CFAP20DC: variants seen among roughly 807,000 people sequenced by gnomAD.
The protein encoded by CFAP20DC is protein CFAP20DC.
Under a neutral mutation model 101.7 loss-of-function variants are expected in CFAP20DC, and 84 were observed. The observed-to-expected ratio is 0.83, with a 90% confidence interval of 0.69 to 0.99. The LOEUF is 0.99. Ranked by LOEUF, CFAP20DC falls within the 50% of genes least tolerant of loss-of-function variation. The probability of loss-of-function intolerance (pLI) is 0.00; values close to 1 mark genes in which losing one functional copy is unlikely to be tolerated. For synonymous variants in CFAP20DC, 359 were observed against 351.2 expected, an observed-to-expected ratio of 1.02 and a Z score of -0.25; for missense variants, 1,007 against 970.3, an observed-to-expected ratio of 1.04 and a Z score of -0.50.
intron 15 of CFAP20DC, among the ~76,000 whole-genome samples, chr3:58,770,453 T>C (rs2070737302): frequency 6.6e-6 from 1 of 152,154 alleles, no homozygotes; most frequent in South Asian, 2.1e-4. Context: ...AAGTAAGTGT[T>C]AGATAGAGGT....
At chr3:58,764,163 G>T (rs868261601) in intron 15 of CFAP20DC, among the ~76,000 whole-genome samples, 1 of 152,174 alleles carries the variant, frequency 6.6e-6, no homozygotes, top group Non-Finnish European at 1.5e-5. Flanking sequence ...GCAGGCCTCC[G>T]TGAGCTGCAG....
At chr3:58,927,063 T>A (rs897728203) in intron 5 of CFAP20DC, among the ~76,000 whole-genome samples, 1 of 152,220 alleles carries the variant, frequency 6.6e-6, no homozygotes, top group Non-Finnish European at 1.5e-5. Context: ...TTCTATTTAA[T>A]CGGATAGTTT....
At chr3:58,904,044 A>G (rs531152582) in intron 6 of CFAP20DC, among the ~76,000 whole-genome samples, 1 of 152,274 alleles carries the variant, frequency 6.6e-6, no homozygotes, top group South Asian at 2.1e-4. Context: ...AAAAAAGCCC[A>G]TTGGAATTTT....
rs748926744 is a variant in CFAP20DC, at chr3:58,788,336, T to G, written c.2237+18059A>C. Among the ~76,000 whole-genome samples the G allele has an allele frequency of 3.4e-4, 52 of 151,948 alleles. No individual in the cohort carries two copies. The highest frequency in any genetic ancestry group is 6.2e-4 in the Non-Finnish European group (42 of 67,956). ...TCAGATGAACAAATTAAATTCACATTTAAACCACGGTTACCGGGGAAATCC... is the reference window on the plus strand; with the variant it reads ...TCAGATGAACAAATTAAATTCACATGTAAACCACGGTTACCGGGGAAATCC... On this transcript the variant is annotated intron_variant, in intron 15 of 16. Transcript: ENST00000482387. The surrounding 1 kb of genome is among the most constrained non-coding windows in gnomAD (Gnocchi z 4.2).
chr3:58,789,149 T>A (rs566978692), intron 15 of CFAP20DC, among the ~76,000 whole-genome samples: 3 of 152,316 alleles, frequency 2.0e-5, no homozygotes, highest in Non-Finnish European at 4.4e-5. Context: ...TAACACCTTT[T>A]AGAGAGTTAT....
At chr3:58,973,700 A>G (rs1355177446) in intron 4 of CFAP20DC, among the ~76,000 whole-genome samples, 4 of 152,214 alleles carry the variant, frequency 2.6e-5, no homozygotes, top group Admixed American at 2.6e-4. Flanking sequence ...TGAAGAGACT[A>G]TCATGAAACA....
Position 58,831,711 on chromosome 3 carries a change from G to T in CFAP20DC, c.2150C>A (p.Thr717Asn), listed in dbSNP as rs1294517022. 2.5e-6 allele frequency: 4 copies of T among 1,613,860 alleles called. No homozygotes were observed. The African/African-American group carries it at 4.0e-5, about 16-fold the overall frequency. Residue 717 changes from threonine to asparagine, a missense_variant, in exon 14 of 17, where the codon ACC (threonine) becomes AAC (asparagine). Physicochemically the swap from Thr to Asn is moderately conservative, Grantham distance 65. Transcript: ENST00000482387. Reference sequence around the variant, plus strand: ...GGGTGGCAGGCAGGAGTTCCAGGTGGTTGTGTCGTCACTGCTGGTACTTAT... The same window carrying T: ...GGGTGGCAGGCAGGAGTTCCAGGTGTTTGTGTCGTCACTGCTGGTACTTAT... ...VSISTSSDDT[T>N]TWNSCLPPPV...
chr3:58,752,965 T>A (rs1404330100), intron 16 of CFAP20DC, among the ~76,000 whole-genome samples: 1 of 152,030 alleles, frequency 6.6e-6, no homozygotes, highest in East Asian at 1.9e-4. Flanking sequence ...TCTGAGAGAG[T>A]CCCACTCTGA....
rs1186702350 is a variant in CFAP20DC at position 58,854,961 on chromosome 3, G to A, written c.1594-5552C>T. On this transcript the variant is annotated intron_variant, in intron 12 of 16. Coordinates refer to ENST00000482387, the MANE Select transcript of CFAP20DC (RefSeq NM_001394063.1). The stretch of plus-strand genomic sequence containing the variant: ...CATGTCTAAAACACCAAAAGCAATG[G>A]CAACAAAAGCCAAAATTGACAAATG... Among the ~76,000 whole-genome samples the A allele has an allele frequency of 2.1e-5, 3 of 145,262 alleles. No homozygotes were observed. In the East Asian group the frequency reaches 6.0e-4, roughly 29 times the overall value.
At chr3:59,029,222 C>T (rs986548168) in intron 4 of CFAP20DC, among the ~76,000 whole-genome samples, 2 of 151,950 alleles carry the variant, frequency 1.3e-5, no homozygotes, top group African/African-American at 2.4e-5. Context: ...TTGTGCTGGG[C>T]GCTGGGATAT....
chr3:59,038,218 C>T lies in CFAP20DC; in HGVS notation c.278+1339G>A, dbSNP rs369559950. On this transcript the variant is annotated intron_variant, in intron 4 of 16. Coordinates refer to ENST00000482387, the MANE Select transcript of CFAP20DC (RefSeq NM_001394063.1). ...ATGGGTGCAGCGAACCACCATGGCA[C>T]GTGTATACCCATGTAACAAACCTGC... Among the ~76,000 whole-genome samples the T allele has an allele frequency of 7.9e-5, 12 of 152,132 alleles. 1 individual carries two copies. In the South Asian group the frequency reaches 2.1e-3, roughly 26 times the overall value.
chr3:59,010,380 T>C (rs1349696793), intron 4 of CFAP20DC, among the ~76,000 whole-genome samples: 3 of 151,950 alleles, frequency 2.0e-5, no homozygotes, highest in Admixed American at 2.0e-4. Flanking sequence ...TCCATGTAAA[T>C]GGAAACCAAA....
chr3:58,825,964 A>G (rs909490601), intron 14 of CFAP20DC, among the ~76,000 whole-genome samples: 1 of 152,202 alleles, frequency 6.6e-6, no homozygotes, highest in African/African-American at 2.4e-5. Context: ...ATTACTCTGA[A>G]CTGTACAGAT....
intron 7 of CFAP20DC, among the ~76,000 whole-genome samples, chr3:58,879,407 T>G (rs1384147841): frequency 6.6e-6 from 1 of 152,192 alleles, no homozygotes; most frequent in Non-Finnish European, 1.5e-5. Context: ...TGTAAAGGGT[T>G]CAGTGCTTAG....
chr3:58,941,389 T>C (rs2088562660), intron 4 of CFAP20DC, among the ~76,000 whole-genome samples: 1 of 150,412 alleles, frequency 6.6e-6, no homozygotes, highest in East Asian at 2.0e-4. Context: ...TTGGTTCTAG[T>C]ATATAGACAT....
rs1026645117 is a variant in CFAP20DC, at chr3:58,892,946, A to C, written c.551-8237T>G. Reference sequence around the variant, plus strand: ...GAATGCTTTCAGCTTTTGCCTGTTCAGTATGATATTGGCTGTGGGTTTGTC... The same window carrying C: ...GAATGCTTTCAGCTTTTGCCTGTTCCGTATGATATTGGCTGTGGGTTTGTC... On this transcript the variant is annotated intron_variant, in intron 6 of 16. Transcript: ENST00000482387. This position sits in a 1 kb window ranked among gnomAD's most constrained non-coding sequence, Gnocchi z 4.0. Among the ~76,000 whole-genome samples the C allele has an allele frequency of 7.9e-5, 12 of 151,996 alleles. No homozygotes were observed. The highest frequency in any genetic ancestry group is 2.9e-4 in the African/African-American group (12 of 41,370).
intron 4 of CFAP20DC, among the ~76,000 whole-genome samples, chr3:59,034,151 A>G (rs2094049804): frequency 6.6e-6 from 1 of 152,194 alleles, no homozygotes; most frequent in South Asian, 2.1e-4. Flanking sequence ...ATGCTGAGCG[A>G]TTTTGTCACC....
chr3:58,757,597 T>C (rs2069085491), intron 15 of CFAP20DC, among the ~76,000 whole-genome samples: 1 of 152,152 alleles, frequency 6.6e-6, no homozygotes. Flanking sequence ...TTATAAAGCC[T>C]TTCCCTACAA....
intron 15 of CFAP20DC, among the ~76,000 whole-genome samples, chr3:58,773,824 G>T (rs1325762749): frequency 6.6e-6 from 1 of 152,138 alleles, no homozygotes; most frequent in Non-Finnish European, 1.5e-5. Flanking sequence ...TCTATTCAAT[G>T]ATATAACTTG....
Sources: gnomAD v4.1 joint callset for allele counts (sites outside exome capture counted in the v4.1 genomes callset) on GRCh38, gnomAD v4.1.1 for gene constraint, Gnocchi (gnomAD v3.1) non-coding constraint, MANE v1.5 for transcripts, NCBI Gene and HGNC (gene_info 2026-07-23, HGNC 2026-07-21) for gene names.